MAN1A1: variants seen among roughly 807,000 people sequenced by gnomAD.
MAN1A1 encodes mannosidase alpha class 1A member 1.
In MAN1A1, 29 loss-of-function variants were observed where a neutral mutation model predicts 70.8. That is an observed-to-expected ratio of 0.41 (90% confidence interval 0.31 to 0.56). The LOEUF (loss-of-function observed/expected upper bound fraction) is 0.56. Among genes scored for constraint, MAN1A1 ranks in the 20% least tolerant of loss-of-function variants. The pLI is 0.29. For synonymous variants in MAN1A1, 349 were observed against 330.1 expected (o/e 1.06, Z -0.62); for missense variants, 747 against 841.3 (o/e 0.89, Z 1.39).
At chr6:119,180,962 C>T (rs1372178316) in intron 11 of MAN1A1, among the ~76,000 whole-genome samples, 2 of 152,130 alleles carry the variant, frequency 1.3e-5, no homozygotes, top group Non-Finnish European at 2.9e-5. Flanking sequence ...ATTTGAAACA[C>T]TTCTGCCTTT....
intron 5 of MAN1A1, among the ~76,000 whole-genome samples, chr6:119,257,184 CA>C (rs1013656923): frequency 1.3e-5 from 2 of 151,946 alleles, no homozygotes; most frequent in African/African-American, 4.8e-5. Flanking sequence ...AGAGATAAAG[CA>C]AAAGGGAAGA....
chr6:119,184,271 T>C (rs1773229453), intron 11 of MAN1A1, among the ~76,000 whole-genome samples: 1 of 152,230 alleles, frequency 6.6e-6, no homozygotes, highest in Non-Finnish European at 1.5e-5. Context: ...TTTGAGTAAA[T>C]GCTTCTATTA....
At chr6:119,338,914 C>T (rs1364561702) in intron 2 of MAN1A1, among the ~76,000 whole-genome samples, 2 of 152,132 alleles carry the variant, frequency 1.3e-5, no homozygotes, top group African/African-American at 2.4e-5. Context: ...AGGACTTTGC[C>T]TCCCACAGGA....
chr6:119,291,873 G>C (rs116968561), intron 4 of MAN1A1, among the ~76,000 whole-genome samples: 1 of 151,924 alleles, frequency 6.6e-6, no homozygotes, highest in Non-Finnish European at 1.5e-5. Flanking sequence ...AACGTGCCAG[G>C]TCCTGTGCTA....
At chr6:119,348,121 G>A (rs1358594171) in intron 2 of MAN1A1, among the ~76,000 whole-genome samples, 5 of 152,178 alleles carry the variant, frequency 3.3e-5, no homozygotes, top group Admixed American at 6.5e-5. Context: ...GATCAGTGCC[G>A]TCGCTGTTAC....
chr6:119,259,916 G>A (rs895099773), intron 5 of MAN1A1, among the ~76,000 whole-genome samples: 2 of 152,016 alleles, frequency 1.3e-5, no homozygotes, highest in African/African-American at 2.4e-5. Flanking sequence ...ATAAAATATA[G>A]AATCTTATTA....
intron 1 of MAN1A1, 30 bp downstream of exon 1, chr6:119,349,512 G>C: frequency 1.0e-6 from 1 of 983,924 alleles, no homozygotes; most frequent in African/African-American, 1.7e-5. Flanking sequence ...TCAGGGCAGC[G>C]CGCGAGCACC....
chr6:119,235,395 T>C (rs977707964), intron 6 of MAN1A1, among the ~76,000 whole-genome samples: 5 of 152,178 alleles, frequency 3.3e-5, no homozygotes, highest in African/African-American at 1.2e-4. Flanking sequence ...TTAGGTGGTG[T>C]GGACAGAAGA....
intron 6 of MAN1A1, among the ~76,000 whole-genome samples, chr6:119,237,847 A>C (rs568659370): frequency 1.2e-3 from 187 of 152,232 alleles, no homozygotes; most frequent in African/African-American, 4.3e-3. Context: ...AGCATGCTAC[A>C]TTTTTTTTAA....
In MAN1A1 at chr6:119,348,752, C is replaced by A. The variant is rs1403160997; in HGVS notation, c.314G>T (p.Arg105Leu). Residue 105 changes from arginine to leucine, a missense_variant, in exon 2 of 13, where the codon CGC becomes CTC. By Grantham distance (102) the Arg-to-Leu change is moderately radical. Coordinates refer to ENST00000368468, the MANE Select transcript of MAN1A1 (RefSeq NM_005907.4). ...CGGGTCCCCGGGTGCCCCCTCCTCGCGGCGCCGGGCTCGCCCCTCGGCCGC... is the reference window on the plus strand; with the variant it reads ...CGGGTCCCCGGGTGCCCCCTCCTCGAGGCGCCGGGCTCGCCCCTCGGCCGC... The part of the protein sequence containing the change: ...EDAAEGRARR[R>L]EEGAPGDPEA... The A allele has an allele frequency of 6.4e-7, 1 of 1,556,724 alleles. No individual in the cohort carries two copies. Among genetic ancestry groups the A allele is most frequent in the Non-Finnish European group, 8.7e-7 (1 of 1,154,564 alleles).
At chr6:119,276,238 T>C (rs994036647) in intron 5 of MAN1A1, among the ~76,000 whole-genome samples, 14 of 152,202 alleles carry the variant, frequency 9.2e-5, no homozygotes, top group African/African-American at 3.1e-4. Context: ...TCCATCACTT[T>C]ATCACATGGT....
At chr6:119,211,761 T>C (rs1420784137) in intron 6 of MAN1A1, among the ~76,000 whole-genome samples, 1 of 152,180 alleles carries the variant, frequency 6.6e-6, no homozygotes, top group Non-Finnish European at 1.5e-5. Context: ...ATTTAAATGA[T>C]TGTCTTTTAT....
At chr6:119,287,933 T>C (rs1199859855) in intron 5 of MAN1A1, among the ~76,000 whole-genome samples, 1 of 152,072 alleles carries the variant, frequency 6.6e-6, no homozygotes, top group African/African-American at 2.4e-5. Context: ...GAGCTTCTTA[T>C]ATAGCATTTG....
intron 6 of MAN1A1, among the ~76,000 whole-genome samples, chr6:119,215,255 T>A (rs182480449): frequency 2.0e-4 from 30 of 152,226 alleles, no homozygotes; most frequent in Non-Finnish European, 3.7e-4. Context: ...ATTTTATCTT[T>A]AAGGAAAAGG....
At chr6:119,266,973 G>A (rs191321616) in intron 5 of MAN1A1, among the ~76,000 whole-genome samples, 3 of 152,304 alleles carry the variant, frequency 2.0e-5, no homozygotes, top group Admixed American at 6.5e-5. Context: ...TGGTAAATAA[G>A]TATATGGAAA....
At chr6:119,257,165 AG>A (rs896599745) in intron 5 of MAN1A1, among the ~76,000 whole-genome samples, 7 of 152,194 alleles carry the variant, frequency 4.6e-5, no homozygotes, top group Non-Finnish European at 8.8e-5. Context: ...ATTAATGTGG[AG>A]GAAGACAAGA....
intron 2 of MAN1A1, among the ~76,000 whole-genome samples, chr6:119,323,981 T>G (rs1171088427): frequency 6.6e-6 from 1 of 152,168 alleles, no homozygotes; most frequent in Non-Finnish European, 1.5e-5. Flanking sequence ...ACAATATAGG[T>G]AAATTCCACA....
chr6:119,193,786 A>T lies in MAN1A1; in HGVS notation c.1317T>A (p.Asp439Glu). The T allele has an allele frequency of 6.2e-7, 1 of 1,612,154 alleles. No homozygotes were observed. The highest frequency in any genetic ancestry group is 8.5e-7 in the Non-Finnish European group (1 of 1,178,572). Reference sequence around the variant, plus strand: ...TTAAATATTGGGTTACCTGAACAGCATCAAAATACATCTTCTTAGCTTCCA... The same window carrying T: ...TTAAATATTGGGTTACCTGAACAGCTTCAAAATACATCTTCTTAGCTTCCA... ...TDLEAKKMYFDAVQAIETHLI... is the reference protein window; with the variant it reads ...TDLEAKKMYFEAVQAIETHLI... The change falls in exon 9 of 13, where the codon GAT (aspartate) becomes GAA (glutamate). Residue 439 changes from aspartate to glutamate, a missense_variant. Physicochemically the swap from Asp to Glu is conservative, Grantham distance 45 (BLOSUM62 2). This residue lies in a region of MAN1A1 where 419 missense variants were observed against 548.2 expected (regional missense o/e 0.76). Transcript: ENST00000368468.
At chr6:119,328,540 AT>A (rs57869755) in intron 2 of MAN1A1, among the ~76,000 whole-genome samples, 28,617 of 152,244 alleles carry the variant, frequency 0.19, 3,116 homozygotes, top group Admixed American at 0.29. Flanking sequence ...AAAGTGAGTC[AT>A]AAAAACAGAG....
Sources: gnomAD v4.1 joint callset for allele counts (sites outside exome capture counted in the v4.1 genomes callset) on GRCh38, gnomAD v4.1.1 for gene constraint, gnomAD v4.1.1 regional missense constraint, MANE v1.5 for transcripts, NCBI Gene and HGNC (gene_info 2026-07-23, HGNC 2026-07-21) for gene names.